PCDHA1: variants seen among roughly 807,000 people sequenced by gnomAD.
PCDHA1 encodes the protein protocadherin alpha-1.
Under a neutral mutation model 61.3 loss-of-function variants are expected in PCDHA1, and 42 were observed. The ratio of observed to expected loss-of-function variants is 0.69; its 90% CI spans 0.54 to 0.89. The LOEUF is 0.89. Ranked by LOEUF, PCDHA1 falls within the 40% of genes least tolerant of loss-of-function variation. The pLI, the probability that PCDHA1 is intolerant of heterozygous loss-of-function variation, is 0.00. For synonymous variants in PCDHA1, 610 were observed against 553.8 expected (o/e 1.10, Z -1.43); for missense variants, 1,256 against 1,235.3 (o/e 1.02, Z -0.25).
intron 3 of PCDHA1, among the ~76,000 whole-genome samples, chr5:140,989,670 C>G (rs907417768): frequency 6.6e-6 from 1 of 152,104 alleles, no homozygotes. Flanking sequence ...GAAACTCTGC[C>G]CAGATTTCAA....
chr5:140,949,591 T>A (rs1279124605), intron 1 of PCDHA1, among the ~76,000 whole-genome samples: 2 of 151,928 alleles, frequency 1.3e-5, no homozygotes, highest in Non-Finnish European at 2.9e-5. Flanking sequence ...GTGATATTAA[T>A]GTGGCCATTC....
At position 140,839,681 on chromosome 5, in the gene PCDHA1, G is replaced by T. The variant is rs149210485; in HGVS notation, c.2394+50997G>T. On this transcript the variant is annotated intron_variant, in intron 1 of 3. Coordinates refer to ENST00000504120, the MANE Select transcript of PCDHA1 (RefSeq NM_018900.4). Reference sequence around the variant, plus strand: ...GCTACTATTTAGAGTCAACTACAGAGATTTTTTTGGGTAAATAATGTGATG... The same window carrying T: ...GCTACTATTTAGAGTCAACTACAGATATTTTTTTGGGTAAATAATGTGATG... Among the ~76,000 whole-genome samples the T allele has an allele frequency of 4.2e-3, 640 of 152,116 alleles. 7 individuals are homozygous for T. The highest frequency in any genetic ancestry group is 0.033 in the South Asian group (157 of 4,822).
At chr5:140,796,681 G>A (rs1477834475) in intron 1 of PCDHA1, 4 of 1,613,782 alleles carry the variant, frequency 2.5e-6, no homozygotes, top group African/African-American at 2.7e-5. Context: ...GGCTGGCACC[G>A]CTGCTGGCGC....
chr5:140,909,895 C>A (rs1296442880), intron 1 of PCDHA1, among the ~76,000 whole-genome samples: 1 of 152,152 alleles, frequency 6.6e-6, no homozygotes, highest in Non-Finnish European at 1.5e-5. Context: ...GTTCAGTAGT[C>A]CCTGAAATGG....
At chr5:140,856,117 G>A in intron 1 of PCDHA1, 1 of 1,598,170 alleles carries the variant, frequency 6.3e-7, no homozygotes, top group East Asian at 2.2e-5. Context: ...TCGCAGCCTG[G>A]GAGGTGGGGA....
intron 1 of PCDHA1, chr5:140,822,926 T>C: frequency 6.2e-7 from 1 of 1,614,226 alleles, no homozygotes; most frequent in Middle Eastern, 1.6e-4. Context: ...AACGGGCAGG[T>C]GACCTGCTCC....
intron 1 of PCDHA1, chr5:140,852,028 TATTG>T (rs1203440654): frequency 2.1e-6 from 2 of 942,992 alleles, no homozygotes; most frequent in Admixed American, 6.3e-5. Flanking sequence ...AAACTTCGCT[TATTG>T]AGTTTTTGTT....
At chr5:140,913,348 C>A (rs1233529642) in intron 1 of PCDHA1, among the ~76,000 whole-genome samples, 1 of 152,080 alleles carries the variant, frequency 6.6e-6, no homozygotes, top group East Asian at 1.9e-4. Context: ...TCCATTTCCT[C>A]TAGATTTTTA....
intron 1 of PCDHA1, among the ~76,000 whole-genome samples, chr5:140,917,167 ATGG>A (rs1237150759): frequency 6.6e-6 from 1 of 152,160 alleles, no homozygotes; most frequent in African/African-American, 2.4e-5. Flanking sequence ...GGGAGGGGTG[ATGG>A]TGGTGATCCC....
intron 1 of PCDHA1, chr5:140,848,769 C>T: frequency 1.3e-6 from 2 of 1,593,410 alleles, no homozygotes; most frequent in Non-Finnish European, 1.7e-6. Flanking sequence ...TCGGATCGAC[C>T]GCGAGGAGCT....
intron 1 of PCDHA1, among the ~76,000 whole-genome samples, chr5:140,895,123 T>C (rs1583185390): frequency 6.6e-6 from 1 of 152,300 alleles, no homozygotes; most frequent in East Asian, 1.9e-4. Flanking sequence ...CATTTGTTAG[T>C]TGACAAGTTC....
chr5:140,842,757 C>T (rs1481721691), intron 1 of PCDHA1: 2 of 1,594,844 alleles, frequency 1.3e-6, no homozygotes, highest in Non-Finnish European at 1.7e-6. Flanking sequence ...ACGGTGTCTG[C>T]GCGAGACGCG....
chr5:140,944,710 T>C (rs564606677), intron 1 of PCDHA1, among the ~76,000 whole-genome samples: 1 of 152,300 alleles, frequency 6.6e-6, no homozygotes, highest in East Asian at 1.9e-4. Flanking sequence ...TCAGGTTATT[T>C]TGCCTTTGAA....
At chr5:140,921,333 A>G (rs1245281166) in intron 1 of PCDHA1, among the ~76,000 whole-genome samples, 1 of 152,182 alleles carries the variant, frequency 6.6e-6, no homozygotes, top group Admixed American at 6.5e-5. Flanking sequence ...GTCTGGTCCA[A>G]TCACATAATA....
At chr5:140,928,304 AC>A (rs782506310) in intron 1 of PCDHA1, 98 of 1,613,908 alleles carry the variant, frequency 6.1e-5, no homozygotes, top group Non-Finnish European at 7.9e-5. Flanking sequence ...TTTGCCCAGG[AC>A]CCCGACCTGG....
rs199571672 is a variant in PCDHA1 at position 140,994,794 on chromosome 5, T to C, written c.2542+12231T>C. On this transcript the variant is annotated intron_variant, in intron 3 of 3. Transcript: ENST00000504120. The stretch of plus-strand genomic sequence containing the variant: ...CCAGGCAAAGGAAACAATGCGTGCA[T>C]GCAAAAACAAAATACAAAAAACTGA... Among the ~76,000 whole-genome samples the C allele has an allele frequency of 7.2e-5, 11 of 152,270 alleles. No individual in the cohort carries two copies. The East Asian group carries it at 2.1e-3, about 29-fold the overall frequency.
chr5:140,850,928 T>A (rs2150502915), intron 1 of PCDHA1: 1 of 1,520,688 alleles, frequency 6.6e-7, no homozygotes, highest in Non-Finnish European at 8.8e-7. Context: ...ATATAATTTT[T>A]TTTCTTGAAA....
rs1318130185 is a variant in PCDHA1, at chr5:140,787,166, A to T, written c.876A>T (p.Lys292Asn). 1 of 1,613,696 alleles carries T rather than the reference A, an allele frequency of 6.2e-7. No individual in the cohort carries two copies. Among genetic ancestry groups the T allele is most frequent in the Non-Finnish European group, 8.5e-7 (1 of 1,179,918 alleles). The change falls in exon 1 of 4, where the codon AAA (lysine) becomes AAT (asparagine). Residue 292 changes from lysine to asparagine, a missense_variant. By Grantham distance (94) the Lys-to-Asn change is moderately conservative. Coordinates refer to ENST00000504120, the MANE Select transcript of PCDHA1 (RefSeq NM_018900.4). ...GTATTTCTCGTGACATTCAAGAAAA[A>T]TTCAAAGTTGATTCCAGCTCAGGAG... is the stretch of plus-strand genomic sequence containing the variant. ...DSGISRDIQE[K>N]FKVDSSSGEI...
intron 1 of PCDHA1, among the ~76,000 whole-genome samples, chr5:140,902,277 A>G (rs1257357376): frequency 1.3e-5 from 2 of 149,170 alleles, no homozygotes; most frequent in African/African-American, 5.0e-5. Flanking sequence ...GGCTCAAGCA[A>G]TCCTCCTGCC....
Sources: allele counts gnomAD v4.1 joint callset (sites outside exome capture counted in the v4.1 genomes callset), GRCh38; gene constraint gnomAD v4.1.1; transcripts MANE v1.5; gene names NCBI Gene and HGNC (gene_info 2026-07-23, HGNC 2026-07-21).